RGS9: variants seen among roughly 807,000 people sequenced by gnomAD.
RGS9 encodes the protein regulator of G-protein signalling 9.
RGS9 carries 78 observed loss-of-function variants against 102.0 expected under a neutral mutation model. The observed-to-expected ratio is 0.76, with a 90% confidence interval of 0.64 to 0.92. The LOEUF (loss-of-function observed/expected upper bound fraction) is 0.92, where lower values mean the gene tolerates loss of function less well. Among genes scored for constraint, RGS9 ranks in the 40% least tolerant of loss-of-function variants. The pLI is 0.00. For missense variants in RGS9, 833 were observed against 866.1 expected, an observed-to-expected ratio of 0.96 and a Z score of 0.48; for synonymous variants, 353 against 318.6, an observed-to-expected ratio of 1.11 and a Z score of -1.15.
chr17:65,151,237 C>T (rs1288612597), intron 1 of RGS9, among the ~76,000 whole-genome samples: 2 of 151,628 alleles, frequency 1.3e-5, no homozygotes, highest in African/African-American at 2.4e-5. Context: ...CCCAGCTACT[C>T]GGGAGGCCGA....
chr17:65,170,211 T>G (rs1196562828), intron 8 of RGS9, among the ~76,000 whole-genome samples: 1 of 152,092 alleles, frequency 6.6e-6, no homozygotes. Context: ...TGCACCACCA[T>G]GTCCGGCTAA....
At chr17:65,224,685 C>T in intron 17 of RGS9, among the ~76,000 whole-genome samples, 1 of 152,126 alleles carries the variant, frequency 6.6e-6, no homozygotes, top group Non-Finnish European at 1.5e-5. Flanking sequence ...GAGGGGTGAT[C>T]GGGAATGCAG....
chr17:65,183,021 C>T (rs1385366016), intron 9 of RGS9, among the ~76,000 whole-genome samples: 1 of 149,094 alleles, frequency 6.7e-6, no homozygotes, highest in African/African-American at 2.5e-5. Context: ...AATCTTAAAT[C>T]CAAGACTCCT....
rs1331120505 is a variant in RGS9 at position 65,202,025 on chromosome 17, G to T, written c.1009G>T (p.Asp337Tyr). ...TCTGGGATTCTGGGAAGCCTGCGAG[G>T]ATCTGAAGTATGGAGATCAGTCCAA... ...ENLGFWEACE[D>Y]LKYGDQSKVK... The change falls in exon 14 of 19, where the codon GAT becomes TAT. Residue 337 changes from aspartate to tyrosine, a missense_variant. Asp to Tyr is a radical substitution (Grantham distance 160, BLOSUM62 -3). Coordinates refer to ENST00000262406, the MANE Select transcript of RGS9 (RefSeq NM_003835.4). 2 of 1,613,824 alleles carry T rather than the reference G, an allele frequency of 1.2e-6. No individual in the cohort carries two copies. The highest frequency in any genetic ancestry group is 1.7e-5 in the Admixed American group (1 of 60,008).
In RGS9 at chr17:65,227,260, C is replaced by T. The variant is rs202031192; in HGVS notation, c.1893-15C>T. 5.1e-4 allele frequency: 828 copies of T among 1,614,102 alleles called. 7 individuals are homozygous for T. The South Asian group carries it at 8.6e-3, about 17-fold the overall frequency. On this transcript the variant is annotated splice_polypyrimidine_tract_variant and intron_variant, in intron 18 of 18. Transcript: ENST00000262406. Reference sequence around the variant, plus strand: ...CCCTGCCCCTACATTACTGGCTTTCCTCTTGCACCTGAAGCTTTTTCCAGA... The same window carrying T: ...CCCTGCCCCTACATTACTGGCTTTCTTCTTGCACCTGAAGCTTTTTCCAGA...
Position 65,142,686 on chromosome 17 carries a change from G to A in RGS9, c.57+5089G>A, listed in dbSNP as rs1322988258. Among the ~76,000 whole-genome samples, 2 of 151,116 alleles carry A rather than the reference G, an allele frequency of 1.3e-5. 1 individual carries two copies. The highest frequency in any genetic ancestry group is 2.9e-5 in the Non-Finnish European group (2 of 67,874). ...TAACCTCTGCCTCCCGGGTTCAAGT[G>A]ATTCTCCTGCCTCAGCCTCCCAAGT... is the stretch of plus-strand genomic sequence containing the variant. On this transcript the variant is annotated intron_variant, in intron 1 of 18. Coordinates refer to ENST00000262406, the MANE Select transcript of RGS9 (RefSeq NM_003835.4).
At chr17:65,169,922 A>C (rs1304486049) in intron 8 of RGS9, among the ~76,000 whole-genome samples, 1 of 146,872 alleles carries the variant, frequency 6.8e-6, no homozygotes, top group African/African-American at 2.5e-5. Context: ...TATTTCCCCC[A>C]CTTTCTCCAC....
chr17:65,224,817 T>C (rs1439124577), intron 17 of RGS9, among the ~76,000 whole-genome samples, 185 bp from the exon 18 acceptor site: 1 of 152,152 alleles, frequency 6.6e-6, no homozygotes, highest in African/African-American at 2.4e-5. Flanking sequence ...ACAGGAGGCC[T>C]CTGTGTGGCT....
chr17:65,163,214 G>A lies in RGS9; in HGVS notation c.500+125G>A, dbSNP rs184739041. On this transcript the variant is annotated intron_variant, in intron 7 of 18. Coordinates refer to ENST00000262406, the MANE Select transcript of RGS9 (RefSeq NM_003835.4). ...TTTTGAGACAGAGTCTTGCTCTGTC[G>A]CCCAGCCTGGAGTGCAGTGGTGTGA... 1,822 of 415,586 alleles carry A rather than the reference G, an allele frequency of 4.4e-3. 68 individuals are homozygous for A. In the Admixed American group the frequency reaches 0.064, roughly 15 times the overall value. The allele number at this position is 415,586 out of a possible 1,614,324, so 25.7% of individuals were successfully genotyped here.
chr17:65,200,473 G>A (rs2144088280), intron 13 of RGS9, among the ~76,000 whole-genome samples: 2 of 152,244 alleles, frequency 1.3e-5, no homozygotes, highest in Non-Finnish European at 2.9e-5. Context: ...ATTTTACTAA[G>A]CAATCAACTG....
In RGS9 at chr17:65,158,244, G is replaced by C. The variant is rs756142688; in HGVS notation, c.155-51G>C. 2.6e-6 allele frequency: 4 copies of C among 1,546,224 alleles called. No homozygotes were observed. In the Admixed American group the frequency reaches 5.0e-5, roughly 19 times the overall value. On this transcript the variant is annotated intron_variant, in intron 2 of 18. Coordinates refer to ENST00000262406, the MANE Select transcript of RGS9 (RefSeq NM_003835.4). ...GTCAGGCAACAGCGTGGAGGAGCGGGGATGTGTCAGGAGGCTATGACAATA... is the reference window on the plus strand; with the variant it reads ...GTCAGGCAACAGCGTGGAGGAGCGGCGATGTGTCAGGAGGCTATGACAATA...
intron 15 of RGS9, among the ~76,000 whole-genome samples, chr17:65,206,140 A>G (rs1913056144): frequency 6.6e-6 from 1 of 152,104 alleles, no homozygotes; most frequent in Non-Finnish European, 1.5e-5. Context: ...CCTGATTTAT[A>G]TTTCTTCTAT....
At chr17:65,223,902 C>G (rs565985038) in intron 17 of RGS9, among the ~76,000 whole-genome samples, 47 of 151,344 alleles carry the variant, frequency 3.1e-4, no homozygotes, top group Admixed American at 1.8e-3. Flanking sequence ...AGGCACCCAC[C>G]ACCACATCCA....
intron 7 of RGS9, among the ~76,000 whole-genome samples, chr17:65,165,805 C>CA (rs1911157542): frequency 6.6e-6 from 1 of 152,198 alleles, no homozygotes; most frequent in Non-Finnish European, 1.5e-5. Context: ...CATTCACTTC[C>CA]AATGTTACTT....
At chr17:65,183,725 C>A (rs896665280) in intron 9 of RGS9, among the ~76,000 whole-genome samples, 1 of 152,204 alleles carries the variant, frequency 6.6e-6, no homozygotes, top group Admixed American at 6.5e-5. Context: ...TCGCCTTTGG[C>A]TCCGTGGCTT....
chr17:65,222,032 C>T (rs764918176), intron 17 of RGS9, among the ~76,000 whole-genome samples: 10 of 152,212 alleles, frequency 6.6e-5, no homozygotes, highest in African/African-American at 1.9e-4. Flanking sequence ...GCCAGGCTGA[C>T]GGGGTTCTCA....
At chr17:65,156,312 C>T (rs770214395) in intron 2 of RGS9, among the ~76,000 whole-genome samples, 10 of 152,312 alleles carry the variant, frequency 6.6e-5, no homozygotes, top group African/African-American at 2.2e-4. Context: ...CATGAGCCAC[C>T]GCGCCCAGCC....
At position 65,177,815 on chromosome 17, in the gene RGS9, C is replaced by T. The variant is rs1318987938; in HGVS notation, c.654+12C>T. 2 of 1,612,638 alleles carry T rather than the reference C, an allele frequency of 1.2e-6. No individual in the cohort carries two copies. The highest frequency in any genetic ancestry group is 2.2e-5 in the East Asian group (1 of 44,902). On this transcript the variant is annotated intron_variant, in intron 9 of 18. Coordinates refer to ENST00000262406, the MANE Select transcript of RGS9 (RefSeq NM_003835.4). ...TCAAGGTAAACCAGGTATGTCTCTG[C>T]TGCATAGTTTGGGTAGGGCCTAGGT...
At chr17:65,168,479 A>G (rs560961268) in intron 8 of RGS9, among the ~76,000 whole-genome samples, 198 bp downstream of exon 8, 1 of 149,478 alleles carries the variant, frequency 6.7e-6, no homozygotes, top group East Asian at 2.0e-4. Flanking sequence ...GGGTCTGCTC[A>G]TGGCCCATCT....
Sources: allele counts gnomAD v4.1 joint callset (sites outside exome capture counted in the v4.1 genomes callset), GRCh38; gene constraint gnomAD v4.1.1; transcripts MANE v1.5; gene names NCBI Gene and HGNC (gene_info 2026-07-23, HGNC 2026-07-21).